The following KDM4C variants were observed in gnomAD, a reference collection of about 807,000 sequenced individuals.
The protein encoded by KDM4C is lysine demethylase 4C.
In KDM4C, 81 loss-of-function variants were observed where a neutral mutation model predicts 129.3. The observed-to-expected ratio is 0.63, with a 90% CI of 0.52 to 0.75. The LOEUF (loss-of-function observed/expected upper bound fraction) is 0.75, where lower values mean the gene tolerates loss of function less well. KDM4C is among the 30% of genes least tolerant of loss of function. The pLI, the probability that KDM4C is intolerant of heterozygous loss-of-function variation, is 0.00. For synonymous variants in KDM4C, 573 were observed against 456.1 expected (o/e 1.26, Z -3.26); for missense variants, 1,457 against 1,304.0 (o/e 1.12, Z -1.81).
At chr9:6,792,116 G>A (rs1467160094) in intron 1 of KDM4C, among the ~76,000 whole-genome samples, 4 of 152,084 alleles carry the variant, frequency 2.6e-5, no homozygotes, top group Non-Finnish European at 4.4e-5. Flanking sequence ...AGAGGCTGGC[G>A]GATTGGCTGA....
At chr9:6,883,763 G>A (rs1033241354) in intron 6 of KDM4C, among the ~76,000 whole-genome samples, 4 of 152,136 alleles carry the variant, frequency 2.6e-5, no homozygotes, top group Non-Finnish European at 5.9e-5. Flanking sequence ...GCTGGGCAGA[G>A]GCAGAGCCAG....
chr9:6,839,548 C>T (rs1257209146), intron 4 of KDM4C, among the ~76,000 whole-genome samples: 1 of 151,876 alleles, frequency 6.6e-6, no homozygotes, highest in Non-Finnish European at 1.5e-5. Context: ...CCAAATTTGT[C>T]TTTTTAAAAT....
intron 17 of KDM4C, among the ~76,000 whole-genome samples, chr9:7,093,628 G>C (rs537026422): frequency 6.6e-6 from 1 of 152,106 alleles, no homozygotes; most frequent in African/African-American, 2.4e-5. Flanking sequence ...TTGGTAAAGC[G>C]TATGGACCTC....
Position 6,887,997 on chromosome 9 carries a change from T to C in KDM4C, c.717T>C (p.Phe239=). 1 of 1,612,566 alleles carries C rather than the reference T, an allele frequency of 6.2e-7. No homozygotes were observed. The highest frequency in any genetic ancestry group is 8.5e-7 in the Non-Finnish European group (1 of 1,178,822). The part of the protein sequence containing the change: ...FPSSSQGCDA[F]LRHKMTLISP... ...GCAGCTCCCAAGGGTGTGATGCATT[T>C]CTTCGCCACAAGATGACATTGATTT... The change falls in exon 7 of 22, where the codon TTT becomes TTC. Residue 239 remains phenylalanine, a synonymous_variant. Transcript: ENST00000381309.
intron 8 of KDM4C, among the ~76,000 whole-genome samples, chr9:6,914,887 A>T (rs968039013): frequency 6.6e-6 from 1 of 152,234 alleles, no homozygotes; most frequent in Non-Finnish European, 1.5e-5. Flanking sequence ...TAAAACTGTG[A>T]ACAGTAAATT....
intron 17 of KDM4C, among the ~76,000 whole-genome samples, chr9:7,060,463 A>G (rs1235930752): frequency 1.1e-5 from 1 of 90,354 alleles, no homozygotes; most frequent in African/African-American, 9.4e-5. Flanking sequence ...TGTTATTATT[A>G]TTATTATTAT....
chr9:6,857,881 A>G (rs774828281), intron 5 of KDM4C, among the ~76,000 whole-genome samples: 2 of 145,422 alleles, frequency 1.4e-5, no homozygotes, highest in African/African-American at 5.2e-5. Flanking sequence ...CAGCCTCCTG[A>G]GTAGCTAGGA....
intron 20 of KDM4C, among the ~76,000 whole-genome samples, chr9:7,168,476 A>G (rs1844628456): frequency 6.6e-6 from 1 of 152,164 alleles, no homozygotes; most frequent in Non-Finnish European, 1.5e-5. Flanking sequence ...TAGGTGCTCT[A>G]GGTTTCTGTT....
chr9:6,908,443 G>A lies in KDM4C; in HGVS notation c.921+15211G>A, dbSNP rs1415073017. 3.9e-5 allele frequency among the ~76,000 whole-genome samples: 6 copies of A among 152,174 alleles called. 1 individual carries two copies. The highest frequency in any genetic ancestry group is 8.8e-5 in the Non-Finnish European group (6 of 68,022). On this transcript the variant is annotated intron_variant, in intron 8 of 21. Coordinates refer to ENST00000381309, the MANE Select transcript of KDM4C (RefSeq NM_015061.6). ...TACAAGCTGACAAGTAGCAGTGTGT[G>A]CAGGTCCCCCACCACTCATTCTTTC...
chr9:6,778,061 C>T (rs12345088), intron 1 of KDM4C, among the ~76,000 whole-genome samples: 77,708 of 150,532 alleles, frequency 0.52, 20,436 homozygotes, highest in African/African-American at 0.63. Flanking sequence ...GCTGGGACTA[C>T]AGGCATGCCA....
At chr9:7,164,862 G>T (rs1430672641) in intron 19 of KDM4C, among the ~76,000 whole-genome samples, 1 of 152,168 alleles carries the variant, frequency 6.6e-6, no homozygotes, top group Non-Finnish European at 1.5e-5. Flanking sequence ...GTATGCTGAA[G>T]CATTTTGTTA....
At chr9:7,042,627 A>G (rs1364119996) in intron 15 of KDM4C, among the ~76,000 whole-genome samples, 2 of 152,050 alleles carry the variant, frequency 1.3e-5, no homozygotes, top group African/African-American at 4.8e-5. Context: ...TACCAGTATC[A>G]TCTTCGTGGT....
intron 8 of KDM4C, among the ~76,000 whole-genome samples, chr9:6,920,198 G>A (rs1160504879): frequency 6.6e-6 from 1 of 152,134 alleles, no homozygotes. Flanking sequence ...TCATAGGGGT[G>A]TGGAAAGCAG....
chr9:6,969,901 C>G (rs1026517162), intron 8 of KDM4C, among the ~76,000 whole-genome samples: 3 of 152,220 alleles, frequency 2.0e-5, no homozygotes, highest in Non-Finnish European at 2.9e-5. Context: ...TGATTTCTTT[C>G]TCAGGCAGTT....
chr9:7,170,707 T>A (rs1844868638), intron 21 of KDM4C: 2 of 977,746 alleles, frequency 2.0e-6, no homozygotes, highest in Non-Finnish European at 2.4e-6. Context: ...TAAAATGAAA[T>A]TTTTTTTCTG....
intron 3 of KDM4C, among the ~76,000 whole-genome samples, chr9:6,808,627 C>G (rs1391453049): frequency 6.8e-6 from 1 of 147,084 alleles, no homozygotes; most frequent in African/African-American, 2.5e-5. Context: ...CTGACCTTCC[C>G]TCCACTATTG....
chr9:7,114,892 AAC>A (rs1283316829), intron 18 of KDM4C, among the ~76,000 whole-genome samples: 1 of 152,128 alleles, frequency 6.6e-6, no homozygotes, highest in African/African-American at 2.4e-5. Context: ...CAGCCTGGGC[AAC>A]ACAACAAAAA....
chr9:7,124,299 G>C (rs1839809930), intron 18 of KDM4C, among the ~76,000 whole-genome samples: 1 of 152,174 alleles, frequency 6.6e-6, no homozygotes, highest in African/African-American at 2.4e-5. Flanking sequence ...TACAATGCTT[G>C]TAATGCTGAC....
In KDM4C at chr9:6,752,429, C is replaced by T. The variant is rs551642870; in HGVS notation, c.49+31432C>T. Among the ~76,000 whole-genome samples, 1,152 of 119,822 alleles carry T rather than the reference C, an allele frequency of 9.6e-3. 8 individuals are homozygous for T. Among genetic ancestry groups the T allele is most frequent in the South Asian group, 0.015 (55 of 3,616 alleles). 78.6% of individuals were successfully genotyped at this position (119,822 alleles called of 152,430 possible). On this transcript the variant is annotated intron_variant, in intron 1 of 17. Coordinates refer to the KDM4C transcript ENST00000536108. ...AAACCAGGGATTTTTTTTTTTTTTC[C>T]GGTGGAGTTTCGCTCTTGTTGCCCA...
Sources: gnomAD v4.1 joint callset for allele counts (sites outside exome capture counted in the v4.1 genomes callset) on GRCh38, gnomAD v4.1.1 for gene constraint, MANE v1.5 for transcripts, NCBI Gene and HGNC (gene_info 2026-07-23, HGNC 2026-07-21) for gene names.